The following MRPL47 variants were observed in gnomAD, a reference collection of about 807,000 sequenced individuals.
MRPL47 encodes mitochondrial ribosomal protein L47.
MRPL47 carries 31 observed loss-of-function variants against 34.0 expected under a neutral mutation model. That is an observed-to-expected ratio of 0.91 (90% confidence interval 0.68 to 1.23). The LOEUF is 1.23. Among genes scored for constraint, MRPL47 ranks in the 50% most tolerant of loss-of-function variants. MRPL47 has a pLI of 0.00. For missense variants in MRPL47, 328 were observed against 285.8 expected, an observed-to-expected ratio of 1.15 and a Z score of -1.07; for synonymous variants, 106 against 101.6, an observed-to-expected ratio of 1.04 and a Z score of -0.26.
intron 6 of MRPL47, among the ~76,000 whole-genome samples, chr3:179,592,282 C>G (rs1718691040): frequency 1.3e-5 from 2 of 152,180 alleles, no homozygotes; most frequent in Admixed American, 1.3e-4. Context: ...GCAAGCTCTG[C>G]CTCCCGGGTT....
intron 4 of MRPL47, 125 bp from the exon 5 acceptor site, chr3:179,594,020 T>TA (rs1460721025): frequency 3.4e-5 from 29 of 852,802 alleles, no homozygotes; most frequent in African/African-American, 5.1e-5. Context: ...ACCACTCTGT[T>TA]AAGTATTTCC....
chr3:179,602,972 A>G (rs1357046568), intron 1 of MRPL47, among the ~76,000 whole-genome samples, 175 bp from the exon 2 acceptor site: 1 of 152,022 alleles, frequency 6.6e-6, no homozygotes, highest in African/African-American at 2.4e-5. Flanking sequence ...GGGTCTCACT[A>G]TGTTGTCCAG....
chr3:179,595,156 C>T (rs947458324), intron 4 of MRPL47, among the ~76,000 whole-genome samples: 12 of 152,190 alleles, frequency 7.9e-5, no homozygotes, highest in Admixed American at 3.9e-4. Context: ...AGCAATCCTC[C>T]CACCTCAGCC....
rs749059336 is a variant in MRPL47 at position 179,592,641 on chromosome 3, C to T, written c.629+3G>A. The stretch of plus-strand genomic sequence containing the variant: ...ATGTTTTATTAAAGGTGCTTGTGCT[C>T]ACCTGAGAAAATGGTCCACATAAGG... On this transcript the variant is annotated splice_donor_region_variant and intron_variant, in intron 6 of 6. Coordinates refer to ENST00000476781, the MANE Select transcript of MRPL47 (RefSeq NM_020409.3). 3 of 1,583,720 alleles carry T rather than the reference C, an allele frequency of 1.9e-6. No homozygotes were observed. The highest frequency in any genetic ancestry group is 2.2e-5 in the East Asian group (1 of 44,600).
intron 2 of MRPL47, 110 bp from the exon 3 acceptor site, chr3:179,601,900 A>G: frequency 4.3e-6 from 3 of 690,748 alleles, no homozygotes; most frequent in South Asian, 3.8e-5. Context: ...TGTAAAATAT[A>G]TAACAGCTTT....
chr3:179,604,464 C>T, intron 1 of MRPL47, 63 bp downstream of exon 1: 1 of 1,506,382 alleles, frequency 6.6e-7, no homozygotes, highest in South Asian at 1.2e-5. Context: ...ATCTCGGCAT[C>T]TCGGCAACCA....
rs1718703593 is a variant in MRPL47 at position 179,592,684 on chromosome 3, T to G, written c.589A>C (p.Lys197Gln). ...PWHLNKRYNR[K>Q]RFFALPYVDH... ...ACATAAGGCAAGGCAAAGAATCGTTTCCTATTGTATCTTTTATTTAGGTGC... is the reference window on the plus strand; with the variant it reads ...ACATAAGGCAAGGCAAAGAATCGTTGCCTATTGTATCTTTTATTTAGGTGC... Residue 197 changes from lysine to glutamine, a missense_variant, in exon 6 of 7, where the codon AAA becomes CAA. Physicochemically the swap from Lys to Gln is moderately conservative, Grantham distance 53 (BLOSUM62 1). Transcript: ENST00000476781. 1 of 1,613,882 alleles carries G rather than the reference T, an allele frequency of 6.2e-7. No individual in the cohort carries two copies.
Position 179,594,509 on chromosome 3 carries a change from G to T in MRPL47, c.403-614C>A, listed in dbSNP as rs79374215. 9.6e-3 allele frequency among the ~76,000 whole-genome samples: 1,466 copies of T among 152,290 alleles called. 25 individuals carry two copies. The highest frequency in any genetic ancestry group is 0.034 in the African/African-American group (1,394 of 41,552). ...TACATATATATATTTTTTAGACAGA[G>T]TCTTGCTCTGTCACTCAGGCTAGAG... On this transcript the variant is annotated intron_variant, in intron 4 of 6. Coordinates refer to ENST00000476781, the MANE Select transcript of MRPL47 (RefSeq NM_020409.3).
At chr3:179,600,428 G>A (rs1718899973) in intron 3 of MRPL47, among the ~76,000 whole-genome samples, 1 of 151,988 alleles carries the variant, frequency 6.6e-6, no homozygotes, top group Admixed American at 6.6e-5. Flanking sequence ...ATCACTTGAG[G>A]TCAGGAATTC....
At chr3:179,590,842 G>GAGATCCTGA (rs1412351405) in intron 6 of MRPL47, among the ~76,000 whole-genome samples, 7 of 152,134 alleles carry the variant, frequency 4.6e-5, no homozygotes, top group Non-Finnish European at 1.0e-4. Flanking sequence ...ACAGATCCTG[G>GAGATCCTGA]AGACATTCTG....
Position 179,591,489 on chromosome 3 carries a change from G to A in MRPL47, c.629+1155C>T, listed in dbSNP as rs190816322. 2.6e-5 allele frequency among the ~76,000 whole-genome samples: 4 copies of A among 152,282 alleles called. No individual in the cohort carries two copies. In the East Asian group the frequency reaches 7.7e-4, roughly 29 times the overall value. ...AAGTTTGTATAGTTACCAGTGAGTG[G>A]TTCATGGGAACACTGCACTCCTCTA... is the stretch of plus-strand genomic sequence containing the variant. On this transcript the variant is annotated intron_variant, in intron 6 of 6. Transcript: ENST00000476781.
chr3:179,602,342 C>T (rs1436468598), intron 2 of MRPL47, among the ~76,000 whole-genome samples: 3 of 152,060 alleles, frequency 2.0e-5, no homozygotes, highest in Admixed American at 2.0e-4. Context: ...AAAACTCCAT[C>T]TCTAAATAAA....
chr3:179,592,183 T>C (rs1718688263), intron 6 of MRPL47, among the ~76,000 whole-genome samples: 1 of 150,746 alleles, frequency 6.6e-6, no homozygotes. Flanking sequence ...AATTTTCTTT[T>C]TTACCTATTT....
chr3:179,594,583 A>G (rs1175540896), intron 4 of MRPL47, among the ~76,000 whole-genome samples: 3 of 152,126 alleles, frequency 2.0e-5, no homozygotes, highest in African/African-American at 4.8e-5. Context: ...TCCAGGTTCA[A>G]GCAATTCTCC....
At position 179,588,547 on chromosome 3, in the gene MRPL47, T is replaced by C. The variant is rs971853390; in HGVS notation, c.*325A>G. 1 of 203,902 alleles carries C rather than the reference T, an allele frequency of 4.9e-6. No individual in the cohort carries two copies. The allele number at this position is 203,902 out of a possible 1,614,324, so 12.6% of individuals were successfully genotyped here. A position where few individuals can be genotyped will look rare whatever the true frequency, so the allele number is the denominator to read the frequency against. On this transcript the variant is annotated 3_prime_UTR_variant, in exon 7 of 7. Coordinates refer to ENST00000476781, the MANE Select transcript of MRPL47 (RefSeq NM_020409.3). ...ATTAACAACAGAGGTAAAACTATTA[T>C]TCAAATTCAAAAACTACGGTATTGC...
chr3:179,600,139 A>C (rs1435859229), intron 3 of MRPL47, among the ~76,000 whole-genome samples: 1 of 152,004 alleles, frequency 6.6e-6, no homozygotes, highest in African/African-American at 2.4e-5. Flanking sequence ...AAAAACAAAA[A>C]AGAGAAATGG....
In MRPL47 at chr3:179,601,475, A is replaced by G. The variant is rs556534319; in HGVS notation, c.305+255T>C. On this transcript the variant is annotated intron_variant, in intron 3 of 6. Coordinates refer to ENST00000476781, the MANE Select transcript of MRPL47 (RefSeq NM_020409.3). ...ATTAATTAACTGAAATTGCTAGTAT[A>G]AACATGTTAGTAGGACCAATGTAAA... Among the ~76,000 whole-genome samples the G allele has an allele frequency of 4.6e-5, 7 of 152,370 alleles. No individual in the cohort carries two copies. In the East Asian group the frequency reaches 1.3e-3, roughly 29 times the overall value.
intron 6 of MRPL47, among the ~76,000 whole-genome samples, chr3:179,589,236 T>G (rs533868625): frequency 1.4e-3 from 219 of 152,320 alleles, no homozygotes; most frequent in Non-Finnish European, 2.7e-3. Flanking sequence ...CCAGATATTA[T>G]GAACCTGTAA....
In MRPL47 at chr3:179,588,878, A is replaced by G. The variant is rs6784464; in HGVS notation, c.747T>C (p.Leu249=). 3.2e-3 allele frequency: 5,140 copies of G among 1,613,166 alleles called. 130 individuals carry two copies. The African/African-American group carries it at 0.059, about 18-fold the overall frequency. Residue 249 remains leucine (L), a synonymous_variant, in exon 7 of 7, where the codon CTT becomes CTC. Coordinates refer to ENST00000476781, the MANE Select transcript of MRPL47 (RefSeq NM_020409.3). Reference sequence around the variant, plus strand: ...ATTTAATAGTTCAGACATCTTAGACAAGACTTGACTTTTGGGCTTCAGCAA... The same window carrying G: ...ATTTAATAGTTCAGACATCTTAGACGAGACTTGACTTTTGGGCTTCAGCAA... ...PHLAEAQKSS[L]V
Sources: gnomAD v4.1 joint callset for allele counts (sites outside exome capture counted in the v4.1 genomes callset) on GRCh38, gnomAD v4.1.1 for gene constraint, MANE v1.5 for transcripts, NCBI Gene and HGNC (gene_info 2026-07-23, HGNC 2026-07-21) for gene names.